The following TBCE variants were observed in gnomAD, a reference collection of about 807,000 sequenced individuals.
The protein encoded by TBCE is tubulin-specific chaperone E.
Under a neutral mutation model 77.0 loss-of-function variants are expected in TBCE, and 53 were observed. That is an observed-to-expected ratio of 0.69 (90% CI 0.55 to 0.87). The LOEUF is 0.87. Among genes scored for constraint, TBCE ranks in the 40% least tolerant of loss-of-function variants. The probability of loss-of-function intolerance (pLI) is 0.00; values close to 1 mark genes in which losing one functional copy is unlikely to be tolerated. For missense variants in TBCE, 624 were observed against 622.4 expected (o/e 1.00, Z -0.03); for synonymous variants, 235 against 241.3 (o/e 0.97, Z 0.24).
At position 235,448,125 on chromosome 1, in the gene TBCE, G is replaced by A. The variant is rs148331308; in HGVS notation, c.1400-224G>A. ...TGAGGCAGGAGAATTGTTTGAACCC[G>A]GGAAGCGGAGGTTGCAGTGAGCCGA... On this transcript the variant is annotated intron_variant, in intron 15 of 16. Transcript: ENST00000642610. Among the ~76,000 whole-genome samples the A allele has an allele frequency of 0.013, 1,895 of 151,074 alleles. 18 individuals are homozygous for A. The highest frequency in any genetic ancestry group is 0.018 in the African/African-American group (717 of 40,966).
At chr1:235,370,313 G>T (rs1246580983) in intron 1 of TBCE, among the ~76,000 whole-genome samples, 4 of 149,288 alleles carry the variant, frequency 2.7e-5, no homozygotes, top group African/African-American at 1.0e-4. Flanking sequence ...GAGTGCAGTG[G>T]TACGTTCTCG....
At chr1:235,447,380 C>T (rs1325738825) in intron 15 of TBCE, among the ~76,000 whole-genome samples, 2 of 152,180 alleles carry the variant, frequency 1.3e-5, no homozygotes, top group South Asian at 2.1e-4. Flanking sequence ...AACTCTATTT[C>T]TTATAATCAA....
Position 235,430,790 on chromosome 1 carries a change from A to G in TBCE, c.646A>G (p.Ile216Val). ...GGTTTTAGTCCTCAATCAAACAGGA[A>G]TAACGTGGGCTGAGGTAATCATATT... ...LKVLVLNQTG[I>V]TWAEVLRCVA... The change falls in exon 7 of 17, where the codon ATA (isoleucine) becomes GTA (valine). Residue 216 changes from isoleucine to valine, a missense_variant. Ile to Val is a conservative substitution (Grantham distance 29). Coordinates refer to ENST00000642610, the MANE Select transcript of TBCE (RefSeq NM_003193.5). The G allele has an allele frequency of 6.2e-7, 1 of 1,613,478 alleles. No homozygotes were observed. Among genetic ancestry groups the G allele is most frequent in the Non-Finnish European group, 8.5e-7 (1 of 1,179,540 alleles).
chr1:235,440,936 T>G (rs1681838307), intron 13 of TBCE: 1 of 152,194 alleles, frequency 6.6e-6, no homozygotes, highest in African/African-American at 2.4e-5. Context: ...CACATTTCGC[T>G]TTTATGTTAT....
chr1:235,421,197 G>A (rs1680381777), intron 5 of TBCE, among the ~76,000 whole-genome samples: 3 of 152,120 alleles, frequency 2.0e-5, no homozygotes, highest in Admixed American at 2.0e-4. Context: ...GAGACTGGAG[G>A]ACTGTTTGAG....
intron 3 of TBCE, among the ~76,000 whole-genome samples, chr1:235,402,295 C>G (rs1020981976): frequency 6.6e-6 from 1 of 152,006 alleles, no homozygotes; most frequent in African/African-American, 2.4e-5. Context: ...AACTCCTGAC[C>G]TTGTGATCCG....
chr1:235,439,065 T>A, intron 13 of TBCE, 143 bp downstream of exon 13: 1 of 1,191,186 alleles, frequency 8.4e-7, no homozygotes, highest in Non-Finnish European at 1.2e-6. Flanking sequence ...GAATGGACTA[T>A]AGGCACTTTC....
At chr1:235,381,541 G>A (rs546883625) in intron 2 of TBCE, among the ~76,000 whole-genome samples, 3 of 151,746 alleles carry the variant, frequency 2.0e-5, no homozygotes, top group East Asian at 2.0e-4. Context: ...AAAATTAGCC[G>A]GATGTGGTGG....
chr1:235,369,737 G>T (rs1198484989), intron 1 of TBCE, among the ~76,000 whole-genome samples: 1 of 150,746 alleles, frequency 6.6e-6, no homozygotes, highest in Non-Finnish European at 1.5e-5. Flanking sequence ...TGAGGCAGGA[G>T]AATTGCTTGA....
At chr1:235,381,703 A>G (rs1036041911) in intron 2 of TBCE, among the ~76,000 whole-genome samples, 162 of 150,704 alleles carry the variant, frequency 1.1e-3, no homozygotes, top group African/African-American at 3.8e-3. Context: ...AAAAAAAAAA[A>G]AAAAAAAAAG....
At chr1:235,401,459 T>C in intron 2 of TBCE, 44 bp from the exon 3 acceptor site, 2 of 1,531,158 alleles carry the variant, frequency 1.3e-6, no homozygotes, top group Non-Finnish European at 1.8e-6. Flanking sequence ...GAGCATTGCC[T>C]GTATCATCAT....
rs1315331952 is a variant in TBCE, at chr1:235,412,177, C to T, written c.186-2256C>T. Among the ~76,000 whole-genome samples, 2 of 15,932 alleles carry T rather than the reference C, an allele frequency of 1.3e-4. 1 individual carries two copies. The highest frequency in any genetic ancestry group is 1.1e-3 in the African/African-American group (2 of 1,786). 10.5% of individuals were successfully genotyped at this position (15,932 alleles called of 152,430 possible). ...CTCCCCTCCCCTTCCCCCCTCCCCT[C>T]CCCTCCCCCTCCCCTCCCCCTCCCC... On this transcript the variant is annotated intron_variant, in intron 3 of 16. Transcript: ENST00000642610.
At chr1:235,444,117 T>C in intron 15 of TBCE, among the ~76,000 whole-genome samples, 1 of 152,252 alleles carries the variant, frequency 6.6e-6, no homozygotes, top group Non-Finnish European at 1.5e-5. Flanking sequence ...AATTAGTTTC[T>C]ATCAGATAAA....
intron 13 of TBCE, 155 bp from the exon 14 acceptor site, chr1:235,441,659 C>T: frequency 1.5e-6 from 1 of 667,290 alleles, no homozygotes; most frequent in Non-Finnish European, 2.6e-6. Context: ...TTGTCCATCA[C>T]TCCTAAAAAT....
chr1:235,394,879 A>T (rs1317472732), intron 2 of TBCE, among the ~76,000 whole-genome samples: 1 of 151,692 alleles, frequency 6.6e-6, no homozygotes, highest in Non-Finnish European at 1.5e-5. Flanking sequence ...TACCTTGCTA[A>T]TTTTTTGTTG....
chr1:235,396,586 G>A (rs574702295), intron 2 of TBCE, among the ~76,000 whole-genome samples: 1 of 152,272 alleles, frequency 6.6e-6, no homozygotes, highest in African/African-American at 2.4e-5. Context: ...CATAGTGGTT[G>A]TACTAATTTA....
intron 7 of TBCE, chr1:235,433,594 A>T (rs568944176): frequency 4.5e-4 from 69 of 153,886 alleles, no homozygotes; most frequent in Non-Finnish European, 4.0e-4. Context: ...ACCTCAAGTG[A>T]TCCACCTGCC....
Position 235,448,258 on chromosome 1 carries a change from T to C in TBCE, c.1400-91T>C, listed in dbSNP as rs558961248. The stretch of plus-strand genomic sequence containing the variant: ...AAAAAAAAGACAGATACAGCTATCA[T>C]TGCAATGATACTGTGGTCTCATCAC... On this transcript the variant is annotated intron_variant, in intron 15 of 16. Transcript: ENST00000642610. The C allele has an allele frequency of 1.1e-5, 10 of 927,054 alleles. No homozygotes were observed. The East Asian group carries it at 2.2e-4, about 20-fold the overall frequency. 57.4% of individuals were successfully genotyped at this position (927,054 alleles called of 1,614,324 possible).
At chr1:235,386,893 A>G (rs1475932645) in intron 2 of TBCE, among the ~76,000 whole-genome samples, 10 of 151,966 alleles carry the variant, frequency 6.6e-5, no homozygotes, top group Non-Finnish European at 1.2e-4. Context: ...TAGAGTTTCC[A>G]GTTTTTCTGC....
Sources: allele counts gnomAD v4.1 joint callset (sites outside exome capture counted in the v4.1 genomes callset), GRCh38; gene constraint gnomAD v4.1.1; transcripts MANE v1.5; gene names NCBI Gene and HGNC (gene_info 2026-07-23, HGNC 2026-07-21).